DCLK1: variants seen among roughly 807,000 people sequenced by gnomAD.
The protein encoded by DCLK1 is serine/threonine-protein kinase DCLK1.
Under a neutral mutation model 86.2 loss-of-function variants are expected in DCLK1, and 16 were observed. The observed-to-expected ratio is 0.19, with a 90% CI of 0.13 to 0.28. The LOEUF (loss-of-function observed/expected upper bound fraction) is 0.28, where lower values mean the gene tolerates loss of function less well. Among genes scored for constraint, DCLK1 ranks in the 10% least tolerant of loss-of-function variants. The pLI, the probability that DCLK1 is intolerant of heterozygous loss-of-function variation, is 1.00. For synonymous variants in DCLK1, 369 were observed against 370.5 expected, an observed-to-expected ratio of 1.00 and a Z score of 0.05; for missense variants, 590 against 940.2, an observed-to-expected ratio of 0.63 and a Z score of 4.87.
rs113570335 is a variant in DCLK1, at chr13:35,827,974, AC to A, written c.1288-221del. On this transcript the variant is annotated intron_variant, in intron 9 of 16. Transcript: ENST00000360631. ...AAATTCAGAACCAATCATGATAACTACAGTTTCATAGCAAAGAATGGGATGA... is the reference window on the plus strand; with the variant it reads ...AAATTCAGAACCAATCATGATAACTAAGTTTCATAGCAAAGAATGGGATGA... 5.3e-3 allele frequency among the ~76,000 whole-genome samples: 806 copies of A among 152,316 alleles called. 8 individuals carry two copies. The highest frequency in any genetic ancestry group is 0.017 in the African/African-American group (722 of 41,562).
chr13:35,871,702 C>A (rs991196471), intron 4 of DCLK1, among the ~76,000 whole-genome samples: 2 of 152,094 alleles, frequency 1.3e-5, no homozygotes, highest in African/African-American at 4.8e-5. Context: ...GTTGTTGCTT[C>A]CAAGGAAAAT....
At position 36,131,373 on chromosome 13, in the gene DCLK1, G is replaced by GGGCGGCGGC. The variant is rs965603869; in HGVS notation, c.-288_-280dup. On this transcript the variant is annotated 5_prime_UTR_variant, in exon 1 of 17. Transcript: ENST00000360631. Reference sequence around the variant, plus strand: ...CACTCCAGCCTCTCTCTCCAGAGGAGGGCGGCGGCGGCGGCGGCGGCGGGC... The same window carrying GGGCGGCGGC: ...CACTCCAGCCTCTCTCTCCAGAGGAGGGCGGCGGCGGCGGCGGCGGCGGCGGCGGCGGGC... The GGGCGGCGGC allele has an allele frequency of 4.6e-5, 9 of 194,924 alleles. 1 individual carries two copies. The highest frequency in any genetic ancestry group is 4.3e-3 in the Middle Eastern group (2 of 466). The allele number at this position is 194,924 out of a possible 1,614,324, so 12.1% of individuals were successfully genotyped here.
At chr13:35,871,051 G>A (rs1177884303) in intron 5 of DCLK1, among the ~76,000 whole-genome samples, 173 bp downstream of exon 5, 1 of 152,106 alleles carries the variant, frequency 6.6e-6, no homozygotes, top group African/African-American at 2.4e-5. Context: ...GCTTTTTCTT[G>A]CAGCCAATAT....
chr13:35,789,831 C>A (rs1213775975), intron 16 of DCLK1, among the ~76,000 whole-genome samples: 1 of 152,120 alleles, frequency 6.6e-6, no homozygotes, highest in Non-Finnish European at 1.5e-5. Flanking sequence ...ATCTCTAATT[C>A]ATTTCATGTC....
chr13:35,989,655 G>A (rs1328561765), intron 3 of DCLK1, among the ~76,000 whole-genome samples: 1 of 151,058 alleles, frequency 6.6e-6, no homozygotes, highest in Non-Finnish European at 1.5e-5. Context: ...CAATCTTTCT[G>A]CCTTGGCCTC....
At chr13:35,943,330 G>A (rs1339978722) in intron 4 of DCLK1, among the ~76,000 whole-genome samples, 1 of 152,130 alleles carries the variant, frequency 6.6e-6, no homozygotes, top group Non-Finnish European at 1.5e-5. Flanking sequence ...AGCCCTGCCA[G>A]TACCTTGATT....
At chr13:35,850,173 C>A in intron 6 of DCLK1, 1 of 984,816 alleles carries the variant, frequency 1.0e-6, no homozygotes, top group Non-Finnish European at 1.2e-6. Flanking sequence ...TTTCTACTGT[C>A]TAGGGAGAAA....
In DCLK1 at chr13:35,836,215, T is replaced by C. The variant is rs147515674; in HGVS notation, c.1121-74A>G. On this transcript the variant is annotated intron_variant, in intron 7 of 16. Coordinates refer to ENST00000360631, the MANE Select transcript of DCLK1 (RefSeq NM_001330071.2). ...TGTTGCACAAGGAAACATTTAAAAG[T>C]ATCATCTAATTGACTGGAATGGATT... 77 of 1,257,702 alleles carry C rather than the reference T, an allele frequency of 6.1e-5. No homozygotes were observed. The East Asian group carries it at 1.4e-3, about 23-fold the overall frequency. 77.9% of individuals were successfully genotyped at this position (1,257,702 alleles called of 1,614,324 possible).
intron 4 of DCLK1, among the ~76,000 whole-genome samples, chr13:35,944,121 C>T (rs373930815): frequency 1.3e-5 from 2 of 152,138 alleles, no homozygotes; most frequent in Admixed American, 6.6e-5. Flanking sequence ...TCCAATGTGG[C>T]CCCATGAAAT....
chr13:36,047,741 T>C (rs1882970619), intron 3 of DCLK1, among the ~76,000 whole-genome samples: 1 of 151,872 alleles, frequency 6.6e-6, no homozygotes, highest in Non-Finnish European at 1.5e-5. Flanking sequence ...AGGACAGAAG[T>C]ATAAATTCAA....
intron 3 of DCLK1, among the ~76,000 whole-genome samples, chr13:36,059,514 C>A (rs1566664015): frequency 6.6e-6 from 1 of 152,108 alleles, no homozygotes; most frequent in Non-Finnish European, 1.5e-5. Flanking sequence ...TCCACTAAAC[C>A]CCACTGGCCA....
chr13:36,097,345 A>C (rs1042232959), intron 3 of DCLK1, among the ~76,000 whole-genome samples: 1 of 152,210 alleles, frequency 6.6e-6, no homozygotes, highest in Non-Finnish European at 1.5e-5. Context: ...TAATATACTT[A>C]AAATGGGTGC....
At chr13:35,994,659 C>T (rs888070312) in intron 3 of DCLK1, among the ~76,000 whole-genome samples, 4 of 152,152 alleles carry the variant, frequency 2.6e-5, no homozygotes, top group Non-Finnish European at 5.9e-5. Context: ...GATGAATGGG[C>T]GGCTTCCAAC....
At chr13:35,917,459 C>T (rs369338903) in intron 4 of DCLK1, among the ~76,000 whole-genome samples, 5 of 152,078 alleles carry the variant, frequency 3.3e-5, no homozygotes, top group African/African-American at 4.8e-5. Flanking sequence ...GTGGCACACC[C>T]GGCTCTCCAA....
chr13:36,121,510 C>T (rs1885991794), intron 2 of DCLK1, among the ~76,000 whole-genome samples: 3 of 152,144 alleles, frequency 2.0e-5, no homozygotes, highest in Non-Finnish European at 4.4e-5. Flanking sequence ...GAGAGAGACG[C>T]CACATTCACA....
At chr13:35,857,404 A>G (rs921282105) in intron 5 of DCLK1, among the ~76,000 whole-genome samples, 20 of 152,038 alleles carry the variant, frequency 1.3e-4, no homozygotes, top group African/African-American at 4.1e-4. Context: ...TACTAGCAAC[A>G]CCTCTTCCCA....
intron 3 of DCLK1, among the ~76,000 whole-genome samples, chr13:36,040,759 T>G (rs1458138023): frequency 1.3e-5 from 2 of 152,122 alleles, no homozygotes; most frequent in Non-Finnish European, 2.9e-5. Flanking sequence ...CCCCACTTAC[T>G]ACCTATTCAA....
intron 3 of DCLK1, among the ~76,000 whole-genome samples, chr13:36,071,840 C>A (rs1883985370): frequency 6.6e-6 from 1 of 152,126 alleles, no homozygotes; most frequent in Non-Finnish European, 1.5e-5. Flanking sequence ...AGGGAAAAAT[C>A]TTACATTAAT....
chr13:36,005,605 A>G (rs978567402), intron 3 of DCLK1, among the ~76,000 whole-genome samples: 2 of 152,230 alleles, frequency 1.3e-5, no homozygotes, highest in African/African-American at 4.8e-5. Context: ...GTGCAGGGAA[A>G]TATGCTATTC....
Sources: allele counts gnomAD v4.1 joint callset (sites outside exome capture counted in the v4.1 genomes callset), GRCh38; gene constraint gnomAD v4.1.1; transcripts MANE v1.5; gene names NCBI Gene and HGNC (gene_info 2026-07-23, HGNC 2026-07-21).